Variants in RRM2 observed in about 807,000 individuals in gnomAD.
RRM2 encodes ribonucleotide reductase regulatory subunit M2.
Under a neutral mutation model 45.9 loss-of-function variants are expected in RRM2, and 6 were observed. That is an observed-to-expected ratio of 0.13 (90% CI 0.07 to 0.26). The LOEUF is 0.26. Ranked by LOEUF, RRM2 falls within the 10% of genes least tolerant of loss-of-function variation. RRM2 has a pLI of 1.00. For synonymous variants in RRM2, 177 were observed against 173.0 expected (o/e 1.02, Z -0.18); for missense variants, 343 against 489.5 (o/e 0.70, Z 2.82).
At chr2:10,181,770 TTTTTTTTTTTTA>T (rs1162058832) in intron 3 of RRM2, among the ~76,000 whole-genome samples, 1 of 100,972 alleles carries the variant, frequency 9.9e-6, no homozygotes, top group African/African-American at 4.8e-5. Flanking sequence ...TTTTTTTTTT[TTTTTTTTTTTTA>T]AGACAGGGTC....
At chr2:10,183,392 G>A (rs1664100738) in intron 3 of RRM2, among the ~76,000 whole-genome samples, 1 of 152,188 alleles carries the variant, frequency 6.6e-6, no homozygotes, top group Non-Finnish European at 1.5e-5. Context: ...CAGGTGTCTG[G>A]GCAACATCCA....
rs371602230 is a variant in RRM2, at chr2:10,149,329, GTGT to G, written n.482+6957_482+6959del. Among the ~76,000 whole-genome samples the G allele has an allele frequency of 5.1e-3, 774 of 152,196 alleles. 2 individuals are homozygous for G. The highest frequency in any genetic ancestry group is 0.01 in the Middle Eastern group (3 of 294). On this transcript the variant is annotated intron_variant and non_coding_transcript_variant, in intron 3 of 3. Transcript: ENST00000381786. ...TTTTTAGTAGAGATGGTGTTTTGCC[GTGT>G]TGGCTAGGCTGGTCTCGAACTCCTG... is the stretch of plus-strand genomic sequence containing the variant.
At chr2:10,175,357 A>G (rs962519622) in intron 3 of RRM2, among the ~76,000 whole-genome samples, 14 of 152,128 alleles carry the variant, frequency 9.2e-5, no homozygotes, top group African/African-American at 3.4e-4. Flanking sequence ...TTTTTCCCCT[A>G]TTTTAAAAAT....
intron 3 of RRM2, among the ~76,000 whole-genome samples, chr2:10,174,870 T>A (rs1292047719): frequency 6.9e-6 from 1 of 144,912 alleles, no homozygotes; most frequent in African/African-American, 2.6e-5. Context: ...CAAAAATGGT[T>A]AAAAAAAAAA....
At chr2:10,191,678 C>T (rs1664310694) in intron 3 of RRM2, among the ~76,000 whole-genome samples, 2 of 152,146 alleles carry the variant, frequency 1.3e-5, no homozygotes, top group South Asian at 4.1e-4. Context: ...AGCCAGGGCT[C>T]AGGACCCAGG....
At chr2:10,190,475 G>A (rs1664274439) in intron 3 of RRM2, among the ~76,000 whole-genome samples, 1 of 149,616 alleles carries the variant, frequency 6.7e-6, no homozygotes, top group African/African-American at 2.5e-5. Context: ...TGGTGATGGT[G>A]GTGGCGATGG....
intron 3 of RRM2, chr2:10,145,875 G>C (rs1270055628): frequency 6.6e-6 from 1 of 152,236 alleles, no homozygotes; most frequent in East Asian, 1.9e-4. Flanking sequence ...CATTGAGCCA[G>C]GAGCCAGGGA....
intron 3 of RRM2, among the ~76,000 whole-genome samples, chr2:10,191,169 G>A (rs908467655): frequency 2.0e-5 from 3 of 152,178 alleles, no homozygotes; most frequent in Non-Finnish European, 4.4e-5. Context: ...TTTTCCATCT[G>A]CTCAACACTG....
In RRM2 at chr2:10,127,775, C is replaced by T. The variant is rs150375246; in HGVS notation, c.798+555C>T. On this transcript the variant is annotated intron_variant, in intron 7 of 9. Transcript: ENST00000304567. This position sits in a 1 kb window ranked among gnomAD's most constrained non-coding sequence, Gnocchi z 4.1. The stretch of plus-strand genomic sequence containing the variant: ...GGGATTATAGGCATGAGCCACCATG[C>T]CCAGCCAAAACTACAAGTTATTGAT... Among the ~76,000 whole-genome samples, 46 of 152,152 alleles carry T rather than the reference C, an allele frequency of 3.0e-4. No homozygotes were observed. Among genetic ancestry groups the T allele is most frequent in the Admixed American group, 1.3e-4 (2 of 15,284 alleles).
In RRM2 at chr2:10,184,821, T is replaced by C. The variant is rs11676414; in HGVS notation, n.483-25490T>C. ...CTCAACCATCCACTTCTTGTGCAGA[T>C]GGGGAAACTGAGTCAGAAAGGGAGG... On this transcript the variant is annotated intron_variant and non_coding_transcript_variant, in intron 3 of 3. Transcript: ENST00000381786. Among the ~76,000 whole-genome samples, 1,473 of 152,332 alleles carry C rather than the reference T, an allele frequency of 9.7e-3. 30 individuals carry two copies. The highest frequency in any genetic ancestry group is 0.034 in the African/African-American group (1,414 of 41,580).
At chr2:10,177,705 T>TCCCTC (rs1553326747) in intron 3 of RRM2, among the ~76,000 whole-genome samples, 19 of 113,476 alleles carry the variant, frequency 1.7e-4, no homozygotes, top group African/African-American at 6.5e-4. Context: ...CTTCCTTCCT[T>TCCCTC]CCTCTCTCCC....
chr2:10,153,049 G>A (rs970281121), intron 3 of RRM2, among the ~76,000 whole-genome samples: 6 of 152,098 alleles, frequency 3.9e-5, no homozygotes, highest in African/African-American at 1.4e-4. Context: ...AGGGATCAAA[G>A]GGCCGGGTGT....
rs201708643 is a variant in RRM2, at chr2:10,199,507, T to C, written n.483-10804T>C. 3.9e-3 allele frequency among the ~76,000 whole-genome samples: 595 copies of C among 151,678 alleles called. 9 individuals carry two copies. In the East Asian group the frequency reaches 0.042, roughly 11 times the overall value. On this transcript the variant is annotated intron_variant and non_coding_transcript_variant, in intron 3 of 3. Transcript: ENST00000381786. The stretch of plus-strand genomic sequence containing the variant: ...TTAAAAGACAAATCATGGGGCCAGG[T>C]GTGGTGGCTCACACCTGTAATCCCA...
chr2:10,153,784 A>G (rs757749604), intron 3 of RRM2, among the ~76,000 whole-genome samples: 10 of 152,232 alleles, frequency 6.6e-5, no homozygotes, highest in Non-Finnish European at 1.3e-4. Flanking sequence ...TCTTGCTGCC[A>G]AGTATAAAAC....
chr2:10,183,721 G>A (rs756108082), intron 3 of RRM2, among the ~76,000 whole-genome samples: 4 of 151,558 alleles, frequency 2.6e-5, no homozygotes, highest in African/African-American at 7.3e-5. Context: ...ATGATGGCAC[G>A]TCCCTGGAGG....
At chr2:10,161,018 G>C (rs1012212144) in intron 3 of RRM2, among the ~76,000 whole-genome samples, 1 of 152,168 alleles carries the variant, frequency 6.6e-6, no homozygotes, top group Admixed American at 6.5e-5. Flanking sequence ...AGAAAGCGTG[G>C]TCTGAGCTAC....
rs147651077 is a variant in RRM2, at chr2:10,123,788, G to A, written c.371G>A (p.Arg124Lys). ...TGGGAATCCCTGAAACCCGAGGAGAGATATTTTATATCCCATGTTCTGGCT... is the reference window on the plus strand; with the variant it reads ...TGGGAATCCCTGAAACCCGAGGAGAAATATTTTATATCCCATGTTCTGGCT... The part of the protein sequence containing the change: ...QHWESLKPEE[R>K]YFISHVLAFF... The change falls in exon 4 of 10, where the codon AGA becomes AAA. Residue 124 changes from arginine (R) to lysine (K), a missense_variant. Coordinates refer to ENST00000304567, the MANE Select transcript of RRM2 (RefSeq NM_001034.4). 15 of 1,613,266 alleles carry A rather than the reference G, an allele frequency of 9.3e-6. No homozygotes were observed. The highest frequency in any genetic ancestry group is 1.2e-5 in the Non-Finnish European group (14 of 1,179,296).
intron 3 of RRM2, among the ~76,000 whole-genome samples, chr2:10,158,456 G>C (rs1423732500): frequency 6.6e-6 from 1 of 151,860 alleles, no homozygotes; most frequent in Non-Finnish European, 1.5e-5. Flanking sequence ...GTGAGCAAAG[G>C]GGTCTTGGCC....
rs1018274648 is a variant in RRM2, at chr2:10,122,768, G to T, written c.-31G>T. 7.0e-6 allele frequency: 11 copies of T among 1,564,510 alleles called. No homozygotes were observed. In the Admixed American group the frequency reaches 1.7e-4, roughly 25 times the overall value. Reference sequence around the variant, plus strand: ...ACCCTGTCCCAGCCGTCCTGTCCTGGCTGCTCGCTCTGCTTCGCTGCGCCT... The same window carrying T: ...ACCCTGTCCCAGCCGTCCTGTCCTGTCTGCTCGCTCTGCTTCGCTGCGCCT... On this transcript the variant is annotated 5_prime_UTR_variant, in exon 1 of 10. Transcript: ENST00000304567.
Sources: allele counts gnomAD v4.1 joint callset (sites outside exome capture counted in the v4.1 genomes callset), GRCh38; gene constraint gnomAD v4.1.1; non-coding constraint Gnocchi (gnomAD v3.1); transcripts MANE v1.5; gene names NCBI Gene and HGNC (gene_info 2026-07-23, HGNC 2026-07-21).